Variants in DAPK1 observed in about 807,000 individuals in gnomAD.
DAPK1 encodes the protein death-associated protein kinase 1.
Under a neutral mutation model 144.9 loss-of-function variants are expected in DAPK1, and 56 were observed. That is an observed-to-expected ratio of 0.39 (90% confidence interval 0.31 to 0.48). The LOEUF (loss-of-function observed/expected upper bound fraction) is 0.48, where lower values mean the gene tolerates loss of function less well. Ranked by LOEUF, DAPK1 falls within the 20% of genes least tolerant of loss-of-function variation. The pLI is 0.95. For missense variants in DAPK1, 1,454 were observed against 1,875.4 expected, an observed-to-expected ratio of 0.78 and a Z score of 4.15; for synonymous variants, 690 against 749.0, an observed-to-expected ratio of 0.92 and a Z score of 1.29.
At chr9:87,564,763 G>A (rs887596115) in intron 2 of DAPK1, among the ~76,000 whole-genome samples, 12 of 152,328 alleles carry the variant, frequency 7.9e-5, no homozygotes, top group East Asian at 3.9e-4. Flanking sequence ...AGGCAGAGCC[G>A]TCATGATCTA....
At chr9:87,555,061 A>C (rs1826653011) in intron 2 of DAPK1, among the ~76,000 whole-genome samples, 1 of 152,206 alleles carries the variant, frequency 6.6e-6, no homozygotes. Flanking sequence ...GAAGTGGGGA[A>C]AGCTGTGTGG....
At chr9:87,553,664 T>G (rs748197712) in intron 2 of DAPK1, 7 of 150,948 alleles carry the variant, frequency 4.6e-5, no homozygotes, top group Non-Finnish European at 7.4e-5. Flanking sequence ...CCCGGCTAAT[T>G]TTTGTATTTT....
rs200015695 is a variant in DAPK1 at position 87,499,110 on chromosome 9, T to C, written c.33T>C (p.Asp11=). 41 of 1,613,964 alleles carry C rather than the reference T, an allele frequency of 2.5e-5. No homozygotes were observed. The East Asian group carries it at 7.1e-4, about 28-fold the overall frequency. MTVFRQENVD[D]YYDTGEELGS... ...TGTTCAGGCAGGAAAACGTGGATGATTACTACGACACCGGCGAGGAACTTG... is the reference window on the plus strand; with the variant it reads ...TGTTCAGGCAGGAAAACGTGGATGACTACTACGACACCGGCGAGGAACTTG... The change falls in exon 2 of 26, where the codon GAT becomes GAC. Residue 11 remains aspartate, a synonymous_variant. Transcript: ENST00000408954.
intron 19 of DAPK1, among the ~76,000 whole-genome samples, chr9:87,672,466 T>A (rs943854): frequency 0.68 from 103,262 of 151,986 alleles, 35,166 homozygotes; most frequent in South Asian, 0.79. Flanking sequence ...ATTCCTGGCC[T>A]GATGGGATAT....
At chr9:87,661,940 A>G (rs12156472) in intron 18 of DAPK1, among the ~76,000 whole-genome samples, 47,282 of 152,038 alleles carry the variant, frequency 0.31, 7,756 homozygotes, top group Middle Eastern at 0.49. Flanking sequence ...TTCCTTCAGT[A>G]TTTTTATAAT....
At chr9:87,590,376 A>AAAAAAAAAAAAAAAAAAAAAAAAAG in intron 2 of DAPK1, among the ~76,000 whole-genome samples, 2 of 147,570 alleles carry the variant, frequency 1.4e-5, no homozygotes, top group African/African-American at 5.3e-5. Context: ...CCTCAAAAAA[A>AAAAAAAAAAAAAAAAAAAAAAAAAG]AAAAAAAAAG....
chr9:87,655,784 C>T (rs1484068928), intron 17 of DAPK1, among the ~76,000 whole-genome samples: 1 of 152,242 alleles, frequency 6.6e-6, no homozygotes, highest in African/African-American at 2.4e-5. Context: ...ATGCATGGCC[C>T]TTACCCATTT....
chr9:87,553,454 T>C (rs193180934), intron 2 of DAPK1: 1 of 152,218 alleles, frequency 6.6e-6, no homozygotes. Flanking sequence ...CTATGTCTGG[T>C]GCTTAGGGTG....
intron 2 of DAPK1, among the ~76,000 whole-genome samples, chr9:87,529,089 A>G (rs1385117209): frequency 6.6e-6 from 1 of 152,156 alleles, no homozygotes; most frequent in African/African-American, 2.4e-5. Context: ...CCATGGGAAG[A>G]ATCAGGGGAG....
rs548006058 is a variant in DAPK1, at chr9:87,658,589, A to G, written c.1923+462A>G. 9.2e-5 allele frequency among the ~76,000 whole-genome samples: 14 copies of G among 152,306 alleles called. 1 individual carries two copies. The South Asian group carries it at 2.9e-3, about 32-fold the overall frequency. ...GGTGCCGTAAGCAGGAGTTGCTTAAAGAGTCAGGCATTGCTTTAGGCCTGT... is the reference window on the plus strand; with the variant it reads ...GGTGCCGTAAGCAGGAGTTGCTTAAGGAGTCAGGCATTGCTTTAGGCCTGT... On this transcript the variant is annotated intron_variant, in intron 18 of 25. Transcript: ENST00000408954.
chr9:87,559,162 T>C (rs952003030), intron 2 of DAPK1, among the ~76,000 whole-genome samples: 1 of 152,178 alleles, frequency 6.6e-6, no homozygotes, highest in African/African-American at 2.4e-5. Flanking sequence ...CTTAACCCTA[T>C]AAGTTAGATG....
chr9:87,657,766 C>T (rs1055663503), intron 17 of DAPK1: 1 of 467,058 alleles, frequency 2.1e-6, no homozygotes, highest in African/African-American at 2.0e-5. Flanking sequence ...TGACTCCTGT[C>T]TCTTTCAGGC....
In DAPK1 at chr9:87,699,265, G is replaced by A. The variant is rs149882357; in HGVS notation, c.2750+471G>A. On this transcript the variant is annotated intron_variant, in intron 23 of 25. Transcript: ENST00000408954. ...GCAACCCCCTTCTTTCTACCTCCCA[G>A]CAACACTGCCCGGAGGTGACTTCTT... 3.3e-3 allele frequency among the ~76,000 whole-genome samples: 510 copies of A among 152,290 alleles called. 2 individuals carry two copies. The highest frequency in any genetic ancestry group is 7.5e-3 in the Admixed American group (114 of 15,292).
At chr9:87,626,247 C>T (rs1398273788) in intron 3 of DAPK1, among the ~76,000 whole-genome samples, 1 of 152,142 alleles carries the variant, frequency 6.6e-6, no homozygotes, top group Non-Finnish European at 1.5e-5. Flanking sequence ...GAAACCCTGT[C>T]TCAACTAAAC....
intron 18 of DAPK1, among the ~76,000 whole-genome samples, chr9:87,667,324 G>A (rs963943955): frequency 4.6e-5 from 7 of 152,156 alleles, no homozygotes; most frequent in African/African-American, 1.4e-4. Context: ...CAGCCACCTG[G>A]GCTTCAACCG....
intron 2 of DAPK1, among the ~76,000 whole-genome samples, chr9:87,525,845 G>T (rs537060548): frequency 6.6e-6 from 1 of 152,176 alleles, no homozygotes; most frequent in Non-Finnish European, 1.5e-5. Flanking sequence ...TTGCTCTGAA[G>T]CTCATGACCA....
chr9:87,582,755 A>C (rs901903116), intron 2 of DAPK1, among the ~76,000 whole-genome samples: 1 of 151,922 alleles, frequency 6.6e-6, no homozygotes, highest in Admixed American at 6.6e-5. Context: ...GGGTTTCACC[A>C]TCTTGGCCAG....
intron 2 of DAPK1, among the ~76,000 whole-genome samples, chr9:87,566,182 G>A (rs548036819): frequency 7.9e-5 from 12 of 152,006 alleles, no homozygotes; most frequent in African/African-American, 2.4e-4. Flanking sequence ...CACCATGCCC[G>A]GCTAATTTTT....
At chr9:87,666,327 T>A (rs2119262089) in intron 18 of DAPK1, among the ~76,000 whole-genome samples, 1 of 152,288 alleles carries the variant, frequency 6.6e-6, no homozygotes, top group African/African-American at 2.4e-5. Flanking sequence ...CTGGGTCTTC[T>A]CCCAACTTCA....
Sources: gnomAD v4.1 joint callset for allele counts (sites outside exome capture counted in the v4.1 genomes callset) on GRCh38, gnomAD v4.1.1 for gene constraint, MANE v1.5 for transcripts, NCBI Gene and HGNC (gene_info 2026-07-23, HGNC 2026-07-21) for gene names.